UTRN: variants seen among roughly 807,000 people sequenced by gnomAD.
UTRN encodes utrophin, also known as dystrophin-related protein 1.
In UTRN, 283 loss-of-function variants were observed where a neutral mutation model predicts 463.9. The ratio of observed to expected loss-of-function variants is 0.61; its 90% CI spans 0.55 to 0.67. The LOEUF is 0.67. Among genes scored for constraint, UTRN ranks in the 30% least tolerant of loss-of-function variants. The pLI is 0.00. For missense variants in UTRN, 3,922 were observed against 4,084.3 expected (o/e 0.96, Z 1.08); for synonymous variants, 1,442 against 1,431.5 (o/e 1.01, Z -0.17).
Position 144,671,148 on chromosome 6 carries a change from GTT to G in UTRN, c.7480-7247_7480-7246del, listed in dbSNP as rs34224093. 3.1e-3 allele frequency among the ~76,000 whole-genome samples: 452 copies of G among 148,074 alleles called. 4 individuals are homozygous for G. Among genetic ancestry groups the G allele is most frequent in the African/African-American group, 9.6e-3 (389 of 40,556 alleles). On this transcript the variant is annotated intron_variant, in intron 51 of 74. Coordinates refer to ENST00000367545, the MANE Select transcript of UTRN (RefSeq NM_007124.3). ...TTTTTGCTTCCATATGAATTTTAGA[GTT>G]TTTTTTTTTTCTAGTTCTATGAAGA...
At chr6:144,358,920 A>G (rs1408235443) in intron 2 of UTRN, among the ~76,000 whole-genome samples, 1 of 152,212 alleles carries the variant, frequency 6.6e-6, no homozygotes, top group Non-Finnish European at 1.5e-5. Flanking sequence ...AATTGGAATT[A>G]TGTAATATTT....
chr6:144,327,207 A>T (rs1023099722), intron 2 of UTRN, among the ~76,000 whole-genome samples: 5 of 152,068 alleles, frequency 3.3e-5, no homozygotes, highest in African/African-American at 1.2e-4. Context: ...GGGAAATGGG[A>T]GGAGGAGAAG....
At chr6:144,386,967 A>T (rs1299369923) in intron 2 of UTRN, among the ~76,000 whole-genome samples, 2 of 152,040 alleles carry the variant, frequency 1.3e-5, no homozygotes, top group Non-Finnish European at 2.9e-5. Flanking sequence ...AGTAGTTGGC[A>T]TTTCATCAAA....
Position 144,548,688 on chromosome 6 carries a change from TTCC to T in UTRN, c.6646_6648del (p.Pro2216del). ...GTGCTAGTATCATCTGCGTCAGATA[TTCC>T]TGTTCAGTCTCATCGTACTTCGGAA... is the stretch of plus-strand genomic sequence containing the variant. On this transcript the variant is annotated inframe_deletion, in exon 47 of 75. Transcript: ENST00000367545. 1 of 1,614,094 alleles carries T rather than the reference TTCC, an allele frequency of 6.2e-7. No homozygotes were observed. The highest frequency in any genetic ancestry group is 8.5e-7 in the Non-Finnish European group (1 of 1,179,958).
chr6:144,812,537 T>C (rs1778715142), intron 65 of UTRN, among the ~76,000 whole-genome samples: 1 of 152,138 alleles, frequency 6.6e-6, no homozygotes, highest in African/African-American at 2.4e-5. Flanking sequence ...CAGGGACATA[T>C]AGAAGGATAC....
At position 144,458,837 on chromosome 6, in the gene UTRN, T is replaced by C. The variant is rs1366934159; in HGVS notation, c.2352T>C (p.Ser784=). Reference sequence around the variant, plus strand: ...TTTCATCAGAATGGAAGAATGTATCTCAACATTTGGAAGATCTAGAAAGAA... The same window carrying C: ...TTTCATCAGAATGGAAGAATGTATCCCAACATTTGGAAGATCTAGAAAGAA... ...EKVSSEWKNV[S]QHLEDLERKI... is the part of the protein sequence containing the mutation. The change falls in exon 20 of 75, where the codon TCT becomes TCC. Residue 784 remains serine, a synonymous_variant. Coordinates refer to ENST00000367545, the MANE Select transcript of UTRN (RefSeq NM_007124.3). 1.9e-6 allele frequency: 3 copies of C among 1,613,228 alleles called. No homozygotes were observed. Among genetic ancestry groups the C allele is most frequent in the Non-Finnish European group, 2.5e-6 (3 of 1,179,860 alleles).
At chr6:144,848,125 G>T in intron 74 of UTRN, among the ~76,000 whole-genome samples, 1 of 152,124 alleles carries the variant, frequency 6.6e-6, no homozygotes, top group East Asian at 1.9e-4. Context: ...TTGGAAGCCG[G>T]GACTTTAGCA....
At chr6:144,436,240 T>C in intron 10 of UTRN, 102 bp downstream of exon 10, 1 of 1,218,512 alleles carries the variant, frequency 8.2e-7, no homozygotes, top group Non-Finnish European at 1.1e-6. Flanking sequence ...TTCTGTTCTT[T>C]GGAAAGGTCA....
chr6:144,808,052 A>G, intron 65 of UTRN, among the ~76,000 whole-genome samples: 1 of 152,146 alleles, frequency 6.6e-6, no homozygotes, highest in East Asian at 1.9e-4. Flanking sequence ...CCATTAGGGA[A>G]ATACACACAC....
At chr6:144,703,316 A>G (rs1485684006) in intron 53 of UTRN, among the ~76,000 whole-genome samples, 1 of 152,238 alleles carries the variant, frequency 6.6e-6, no homozygotes, top group African/African-American at 2.4e-5. Flanking sequence ...TTAAGCTTAT[A>G]GATGTTTAAG....
At chr6:144,480,023 C>T (rs753844387) in intron 26 of UTRN, 41 bp downstream of exon 26, 5 of 1,588,020 alleles carry the variant, frequency 3.1e-6, no homozygotes, top group Non-Finnish European at 2.6e-6. Context: ...TTCATGCCTC[C>T]CTCCTCCCTT....
intron 2 of UTRN, among the ~76,000 whole-genome samples, chr6:144,357,449 A>T (rs567872322): frequency 3.3e-5 from 5 of 152,352 alleles, no homozygotes; most frequent in African/African-American, 1.2e-4. Flanking sequence ...TTTAATATCC[A>T]CAAATAGTGT....
intron 10 of UTRN, 105 bp downstream of exon 10, chr6:144,436,243 A>G (rs1201668318): frequency 3.3e-6 from 4 of 1,198,618 alleles, no homozygotes; most frequent in South Asian, 1.5e-5. Flanking sequence ...TGTTCTTTGG[A>G]AAGGTCAATG....
At position 144,550,983 on chromosome 6, in the gene UTRN, G is replaced by A; in HGVS notation, c.6829G>A (p.Glu2277Lys). The change falls in exon 48 of 75, where the codon GAA becomes AAA. Residue 2277 changes from glutamate to lysine, a missense_variant. This residue lies in a region of UTRN where 1,309 missense variants were observed against 1,452.6 expected (regional missense o/e 0.90). Transcript: ENST00000367545. ...TTAACAGATTACAAAGGCTGACTTA[G>A]AACAGCGCCATCCTCAGCTGGATTA... ...SRMKITKADL[E>K]QRHPQLDYVF... 1 of 1,608,758 alleles carries A rather than the reference G, an allele frequency of 6.2e-7. No individual in the cohort carries two copies. Among genetic ancestry groups the A allele is most frequent in the South Asian group, 1.1e-5 (1 of 89,738 alleles).
intron 3 of UTRN, among the ~76,000 whole-genome samples, chr6:144,410,156 A>G (rs1162261745): frequency 6.6e-6 from 1 of 152,188 alleles, no homozygotes; most frequent in Non-Finnish European, 1.5e-5. Flanking sequence ...GAAGGGAAGG[A>G]GCAGTGTACC....
At chr6:144,389,975 A>C (rs914769732) in intron 2 of UTRN, among the ~76,000 whole-genome samples, 6 of 152,196 alleles carry the variant, frequency 3.9e-5, no homozygotes, top group African/African-American at 1.4e-4. Context: ...AATATTGGTC[A>C]AAGAATATAG....
At chr6:144,649,479 CCT>C (rs1778591271) in intron 51 of UTRN, among the ~76,000 whole-genome samples, 1 of 152,128 alleles carries the variant, frequency 6.6e-6, no homozygotes. Flanking sequence ...TAATAGCCAT[CCT>C]ATTATTGAAC....
chr6:144,521,918 T>G, intron 39 of UTRN, 62 bp from the exon 40 acceptor site: 1 of 1,044,072 alleles, frequency 9.6e-7, no homozygotes, highest in Non-Finnish European at 1.2e-6. Context: ...TATTATTCAT[T>G]GTGGGGGTAT....
chr6:144,731,460 T>C (rs1427414912), intron 54 of UTRN, among the ~76,000 whole-genome samples: 1 of 152,238 alleles, frequency 6.6e-6, no homozygotes, highest in African/African-American at 2.4e-5. Flanking sequence ...GATTGCCTCA[T>C]GCTGTGTCCA....
Sources: allele counts gnomAD v4.1 joint callset (sites outside exome capture counted in the v4.1 genomes callset), GRCh38; gene constraint gnomAD v4.1.1; regional missense constraint gnomAD v4.1.1; transcripts MANE v1.5; gene names NCBI Gene and HGNC (gene_info 2026-07-23, HGNC 2026-07-21).